Variants in ARMC2 observed in about 807,000 individuals in gnomAD.
ARMC2 encodes the protein armadillo repeat containing 2.
ARMC2 carries 67 observed loss-of-function variants against 90.3 expected under a neutral mutation model. The observed-to-expected ratio is 0.74, with a 90% CI of 0.61 to 0.91. The LOEUF is 0.91. Ranked by LOEUF, ARMC2 falls within the 40% of genes least tolerant of loss-of-function variation. ARMC2 has a pLI of 0.00. For missense variants in ARMC2, 920 were observed against 1,030.9 expected, an observed-to-expected ratio of 0.89 and a Z score of 1.47; for synonymous variants, 393 against 393.0, an observed-to-expected ratio of 1.00 and a Z score of 0.00.
chr6:108,988,312 G>GCCAGCACT, the ARMC2 span: 1 of 383,854 alleles, frequency 2.6e-6, no homozygotes, highest in Non-Finnish European at 4.6e-6. Flanking sequence ...TGACAGCCAT[G>GCCAGCACT]CCAGCACTTC....
At chr6:109,031,159 A>G in the ARMC2 span, among the ~76,000 whole-genome samples, 1 of 152,210 alleles carries the variant, frequency 6.6e-6, no homozygotes. Flanking sequence ...TGAACTCAAG[A>G]GACAGTTAAG....
intron 12 of ARMC2, among the ~76,000 whole-genome samples, chr6:108,940,245 G>A (rs1776325228): frequency 6.6e-6 from 1 of 152,190 alleles, no homozygotes; most frequent in South Asian, 2.1e-4. Flanking sequence ...CAGCCTGGGT[G>A]ACAGAGGAAG....
At chr6:108,915,289 GA>G (rs1773840516) in intron 10 of ARMC2, among the ~76,000 whole-genome samples, 1 of 151,850 alleles carries the variant, frequency 6.6e-6, no homozygotes, top group Non-Finnish European at 1.5e-5. Flanking sequence ...TTTTTCAATT[GA>G]AAAAATAAAT....
the ARMC2 span, among the ~76,000 whole-genome samples, chr6:109,049,238 T>C: frequency 0.015 from 2,348 of 152,170 alleles, 57 homozygotes; most frequent in African/African-American, 0.054. Flanking sequence ...GCAACATGGA[T>C]GGAACTGAAT....
chr6:108,892,975 G>A (rs1771238813), intron 5 of ARMC2, among the ~76,000 whole-genome samples: 1 of 152,016 alleles, frequency 6.6e-6, no homozygotes, highest in East Asian at 1.9e-4. Context: ...GAGTTTTTTG[G>A]AGCAACTATT....
At chr6:108,968,762 T>C (rs536973806) in intron 17 of ARMC2, among the ~76,000 whole-genome samples, 37 of 152,332 alleles carry the variant, frequency 2.4e-4, no homozygotes, top group African/African-American at 8.4e-4. Flanking sequence ...TGTGTTGAAG[T>C]ATGAACACTG....
At chr6:108,853,304 T>G (rs1774191514) in intron 1 of ARMC2, among the ~76,000 whole-genome samples, 1 of 152,222 alleles carries the variant, frequency 6.6e-6, no homozygotes, top group African/African-American at 2.4e-5. Context: ...TCTTTATTTG[T>G]CTAAGGAATC....
chr6:108,960,951 G>A (rs987685755), intron 13 of ARMC2, among the ~76,000 whole-genome samples: 7 of 152,166 alleles, frequency 4.6e-5, no homozygotes, highest in African/African-American at 1.7e-4. Flanking sequence ...ACCAGACGAC[G>A]CAGTCTATTC....
At chr6:108,947,435 A>G (rs1776878498) in intron 12 of ARMC2, among the ~76,000 whole-genome samples, 1 of 152,166 alleles carries the variant, frequency 6.6e-6, no homozygotes, top group Non-Finnish European at 1.5e-5. Context: ...AGGGGTAAAA[A>G]TGTCTTTCAT....
the ARMC2 span, among the ~76,000 whole-genome samples, chr6:109,026,262 A>C: frequency 6.6e-6 from 1 of 152,220 alleles, no homozygotes; most frequent in Non-Finnish European, 1.5e-5. Flanking sequence ...CAGATCCTCA[A>C]CTGAAGGAGT....
chr6:108,858,022 TA>T (rs1454344978), intron 2 of ARMC2, among the ~76,000 whole-genome samples, 176 bp from the exon 3 acceptor site: 6 of 150,956 alleles, frequency 4.0e-5, no homozygotes, highest in African/African-American at 1.5e-4. Context: ...TTCCTAAAAG[TA>T]ATCAAAAGAC....
chr6:108,879,933 A>G (rs1307970629), intron 5 of ARMC2: 2 of 470,660 alleles, frequency 4.2e-6, no homozygotes, highest in Admixed American at 4.7e-5. Flanking sequence ...TCTAGCCCTC[A>G]CTGTAGATTG....
intron 2 of ARMC2, among the ~76,000 whole-genome samples, chr6:108,854,992 TC>T (rs1774398676): frequency 6.6e-6 from 1 of 152,238 alleles, no homozygotes; most frequent in African/African-American, 2.4e-5. Context: ...ATACAGTATG[TC>T]ACCTTTTCAG....
At chr6:108,898,319 T>G (rs573040952) in intron 6 of ARMC2, among the ~76,000 whole-genome samples, 36 of 152,342 alleles carry the variant, frequency 2.4e-4, no homozygotes, top group Non-Finnish European at 4.1e-4. Context: ...CTTCCGATCC[T>G]TCCTGATTTC....
intron 6 of ARMC2, among the ~76,000 whole-genome samples, chr6:108,897,235 C>T (rs946465720): frequency 7.9e-5 from 12 of 152,128 alleles, no homozygotes; most frequent in African/African-American, 2.9e-4. Context: ...CCGCAGAAGA[C>T]CCTACAGGGG....
chr6:108,916,839 C>G (rs1160087552), intron 10 of ARMC2, among the ~76,000 whole-genome samples: 4 of 152,144 alleles, frequency 2.6e-5, no homozygotes, highest in African/African-American at 9.7e-5. Context: ...CTGTTTTGGT[C>G]TCTGTTGTGC....
chr6:109,014,988 A>G, the ARMC2 span, among the ~76,000 whole-genome samples: 1 of 152,192 alleles, frequency 6.6e-6, no homozygotes, highest in African/African-American at 2.4e-5. Context: ...GTTTACTGCT[A>G]TATTTCCAAT....
intron 5 of ARMC2, among the ~76,000 whole-genome samples, chr6:108,878,122 A>G (rs555794230): frequency 3.3e-5 from 5 of 152,338 alleles, no homozygotes; most frequent in African/African-American, 9.6e-5. Context: ...AAACCAAAAA[A>G]CAGAAACTCT....
intron 11 of ARMC2, among the ~76,000 whole-genome samples, chr6:108,931,151 A>G (rs775591228): frequency 1.7e-4 from 26 of 151,392 alleles, no homozygotes; most frequent in Non-Finnish European, 2.9e-4. Context: ...TTTAGCTCCC[A>G]CTTATAAGTG....
Sources: allele counts gnomAD v4.1 joint callset (sites outside exome capture counted in the v4.1 genomes callset), GRCh38; gene constraint gnomAD v4.1.1; transcripts MANE v1.5; gene names NCBI Gene and HGNC (gene_info 2026-07-23, HGNC 2026-07-21).